MAPK8: variants seen among roughly 807,000 people sequenced by gnomAD.
The protein encoded by MAPK8 is JUN N-terminal kinase.
Under a neutral mutation model 52.9 loss-of-function variants are expected in MAPK8, and 13 were observed. That is an observed-to-expected ratio of 0.25 (90% CI 0.16 to 0.39). The LOEUF (loss-of-function observed/expected upper bound fraction) is 0.39. MAPK8 is among the 10% of genes least tolerant of loss of function. MAPK8 has a pLI of 1.00. For synonymous variants in MAPK8, 191 were observed against 169.8 expected (o/e 1.12, Z -0.97); for missense variants, 300 against 519.2 (o/e 0.58, Z 4.10).
At chr10:48,319,132 A>G (rs1000970952) in intron 1 of MAPK8, among the ~76,000 whole-genome samples, 11 of 152,318 alleles carry the variant, frequency 7.2e-5, no homozygotes, top group Middle Eastern at 3.4e-3. Flanking sequence ...TTAGTAGGTT[A>G]TAGAATTTTG....
chr10:48,348,277 C>T (rs1845979033), intron 1 of MAPK8, among the ~76,000 whole-genome samples: 1 of 152,146 alleles, frequency 6.6e-6, no homozygotes, highest in Admixed American at 6.5e-5. Flanking sequence ...TTTGTAGATT[C>T]TGGATATTAG....
At chr10:48,424,190 G>C in intron 7 of MAPK8, 31 bp downstream of exon 7, 1 of 1,572,384 alleles carries the variant, frequency 6.4e-7, no homozygotes, top group South Asian at 1.1e-5. Flanking sequence ...CAGTTAATTA[G>C]TTAGGCGATG....
chr10:48,342,915 A>T (rs1845441945), intron 1 of MAPK8, among the ~76,000 whole-genome samples: 1 of 152,218 alleles, frequency 6.6e-6, no homozygotes, highest in African/African-American at 2.4e-5. Flanking sequence ...GTGGGTGTGA[A>T]TGAGATTAGC....
chr10:48,405,381 T>C (rs186844913), intron 3 of MAPK8, among the ~76,000 whole-genome samples: 7 of 152,298 alleles, frequency 4.6e-5, no homozygotes, highest in African/African-American at 1.7e-4. Flanking sequence ...TTTAATCATA[T>C]TGAATATAAA....
At chr10:48,402,608 G>A (rs1020257781) in intron 2 of MAPK8, among the ~76,000 whole-genome samples, 1 of 152,276 alleles carries the variant, frequency 6.6e-6, no homozygotes, top group East Asian at 1.9e-4. Context: ...TAATAAACTA[G>A]TGTTTTGGGG....
At chr10:48,314,860 T>G (rs1682738659) in intron 1 of MAPK8, among the ~76,000 whole-genome samples, 1 of 152,244 alleles carries the variant, frequency 6.6e-6, no homozygotes, top group Non-Finnish European at 1.5e-5. Context: ...CTGTTTTCCA[T>G]TCTATGGTAG....
intron 1 of MAPK8, among the ~76,000 whole-genome samples, chr10:48,392,318 G>GT (rs2041668616): frequency 6.6e-6 from 1 of 152,098 alleles, no homozygotes; most frequent in Non-Finnish European, 1.5e-5. Flanking sequence ...GAGAGATTCT[G>GT]TTTTCTGAGG....
intron 1 of MAPK8, among the ~76,000 whole-genome samples, chr10:48,372,379 G>A (rs1429284761): frequency 6.6e-6 from 1 of 152,056 alleles, no homozygotes; most frequent in Admixed American, 6.6e-5. Context: ...TGAGTTTGAC[G>A]GATTGACAGA....
At position 48,350,976 on chromosome 10, in the gene MAPK8, GACAA is replaced by G. The variant is rs549894695; in HGVS notation, c.-50+44159_-50+44162del. Among the ~76,000 whole-genome samples the G allele has an allele frequency of 2.0e-3, 300 of 152,222 alleles. 6 individuals are homozygous for G. Among genetic ancestry groups the G allele is most frequent in the Non-Finnish European group, 6.0e-4 (41 of 68,032 alleles). On this transcript the variant is annotated intron_variant, in intron 1 of 11. Transcript: ENST00000374189. ...CAAGCATTCCCATACACCAGTAATA[GACAA>G]ACAGAGAACCAAATCATGAGTGAAC...
At chr10:48,395,767 T>C (rs956081899) in intron 1 of MAPK8, among the ~76,000 whole-genome samples, 1 of 151,944 alleles carries the variant, frequency 6.6e-6, no homozygotes, top group Non-Finnish European at 1.5e-5. Context: ...CTCAGGACAC[T>C]GTGGTATTGA....
chr10:48,420,105 G>C (rs1180964863), intron 5 of MAPK8, 50 bp from the exon 6 acceptor site: 10 of 1,390,906 alleles, frequency 7.2e-6, no homozygotes, highest in Non-Finnish European at 7.0e-6. Flanking sequence ...TGAACTGTAG[G>C]ATTTTCCTAT....
rs78693639 is a variant in MAPK8 at position 48,416,931 on chromosome 10, C to T, written c.451-3224C>T. On this transcript the variant is annotated intron_variant, in intron 5 of 11. Transcript: ENST00000374189. Reference sequence around the variant, plus strand: ...AGGGCTGCTCACCTTTCTCAGCCTGCTTCTTACCTATAAAAGATTGGGGCC... The same window carrying T: ...AGGGCTGCTCACCTTTCTCAGCCTGTTTCTTACCTATAAAAGATTGGGGCC... Among the ~76,000 whole-genome samples, 97 of 152,244 alleles carry T rather than the reference C, an allele frequency of 6.4e-4. 1 individual carries two copies. The East Asian group carries it at 0.017, about 27-fold the overall frequency.
intron 5 of MAPK8, among the ~76,000 whole-genome samples, chr10:48,417,669 A>G (rs879483606): frequency 1.2e-4 from 18 of 152,176 alleles, no homozygotes; most frequent in South Asian, 6.2e-4. Flanking sequence ...ACATTCCCCC[A>G]TATTCCATTG....
intron 10 of MAPK8, among the ~76,000 whole-genome samples, chr10:48,428,998 T>TC (rs2043929484): frequency 6.6e-6 from 1 of 151,008 alleles, no homozygotes; most frequent in Non-Finnish European, 1.5e-5. Flanking sequence ...ATTTTGTTTT[T>TC]TTTTTTTGAG....
chr10:48,368,024 T>A (rs1320780281), intron 1 of MAPK8, among the ~76,000 whole-genome samples: 1 of 152,164 alleles, frequency 6.6e-6, no homozygotes, highest in African/African-American at 2.4e-5. Context: ...GGAGTGAAAT[T>A]AGGCAGAGAG....
intron 10 of MAPK8, chr10:48,430,915 AAAAG>A: frequency 6.9e-6 from 3 of 435,950 alleles, no homozygotes; most frequent in South Asian, 2.5e-5. Flanking sequence ...GGTAGAGTGA[AAAAG>A]AAAGCTTCTA....
chr10:48,330,601 T>C (rs1844036358), intron 1 of MAPK8, among the ~76,000 whole-genome samples: 1 of 152,136 alleles, frequency 6.6e-6, no homozygotes, highest in South Asian at 2.1e-4. Flanking sequence ...ACAGCGGAAG[T>C]GAGACTTTCA....
At chr10:48,391,126 TG>T (rs997185437) in intron 1 of MAPK8, among the ~76,000 whole-genome samples, 1 of 152,118 alleles carries the variant, frequency 6.6e-6, no homozygotes, top group Non-Finnish European at 1.5e-5. Context: ...CATCAGAGTT[TG>T]GGGGATGGTA....
chr10:48,334,479 T>A (rs1237408867), intron 1 of MAPK8, among the ~76,000 whole-genome samples: 5 of 152,152 alleles, frequency 3.3e-5, no homozygotes, highest in Non-Finnish European at 4.4e-5. Flanking sequence ...AAGGCAGTAC[T>A]TAGAGTCCAA....
Sources: allele counts gnomAD v4.1 joint callset (sites outside exome capture counted in the v4.1 genomes callset), GRCh38; gene constraint gnomAD v4.1.1; transcripts MANE v1.5; gene names NCBI Gene and HGNC (gene_info 2026-07-23, HGNC 2026-07-21).